The following ZNF804A variants were observed in gnomAD, a reference collection of about 807,000 sequenced individuals.
The protein encoded by ZNF804A is zinc finger protein 804A.
Under a neutral mutation model 16.5 loss-of-function variants are expected in ZNF804A, and 2 were observed. That is an observed-to-expected ratio of 0.12 (90% confidence interval 0.05 to 0.38). The LOEUF is 0.38. Among genes scored for constraint, ZNF804A ranks in the 10% least tolerant of loss-of-function variants. ZNF804A has a pLI of 0.99. For missense variants in ZNF804A, 1,473 were observed against 1,390.7 expected (o/e 1.06, Z -0.94); for synonymous variants, 534 against 489.6 (o/e 1.09, Z -1.20).
intron 1 of ZNF804A, among the ~76,000 whole-genome samples, chr2:184,819,445 T>G (rs1695036306): frequency 6.6e-6 from 1 of 151,988 alleles, no homozygotes; most frequent in South Asian, 2.1e-4. Context: ...TTTATAGCAC[T>G]GAATGCCCAC....
At chr2:184,708,690 A>C (rs1415365096) in intron 1 of ZNF804A, among the ~76,000 whole-genome samples, 1 of 152,168 alleles carries the variant, frequency 6.6e-6, no homozygotes, top group Non-Finnish European at 1.5e-5. Flanking sequence ...TAATAACTTA[A>C]TAAATATTTA....
intron 2 of ZNF804A, among the ~76,000 whole-genome samples, chr2:184,876,065 G>C (rs1684668042): frequency 6.6e-6 from 1 of 152,150 alleles, no homozygotes; most frequent in South Asian, 2.1e-4. Flanking sequence ...CTTCACTTCA[G>C]CAAGTCAAGA....
chr2:184,869,106 G>C (rs1695930962), intron 2 of ZNF804A, among the ~76,000 whole-genome samples: 1 of 151,740 alleles, frequency 6.6e-6, no homozygotes. Flanking sequence ...TGCTCAGCTG[G>C]GTACCTATAA....
chr2:184,858,691 T>C (rs553901379), intron 1 of ZNF804A, among the ~76,000 whole-genome samples: 30 of 152,290 alleles, frequency 2.0e-4, no homozygotes, highest in African/African-American at 7.2e-4. Flanking sequence ...ATACTAAATA[T>C]ATAAGTGGTC....
At chr2:184,711,319 T>C (rs186771599) in intron 1 of ZNF804A, among the ~76,000 whole-genome samples, 56 of 151,932 alleles carry the variant, frequency 3.7e-4, no homozygotes, top group African/African-American at 1.3e-3. Flanking sequence ...GAGAACTGTT[T>C]TCTCACATTC....
intron 1 of ZNF804A, among the ~76,000 whole-genome samples, chr2:184,725,404 ATAAAG>A (rs1246532184): frequency 6.6e-6 from 1 of 151,720 alleles, no homozygotes; most frequent in Admixed American, 6.6e-5. Flanking sequence ...ATTTTATTTT[ATAAAG>A]TAAATATAAA....
intron 1 of ZNF804A, among the ~76,000 whole-genome samples, chr2:184,770,926 T>C (rs1190484048): frequency 6.6e-6 from 1 of 152,014 alleles, no homozygotes; most frequent in Non-Finnish European, 1.5e-5. Flanking sequence ...TATGTGTGTG[T>C]TTGTGTATAT....
intron 2 of ZNF804A, among the ~76,000 whole-genome samples, chr2:184,932,045 C>T (rs1054615947): frequency 1.3e-5 from 2 of 152,138 alleles, no homozygotes; most frequent in African/African-American, 4.8e-5. Context: ...TCCTCATCTC[C>T]ATCTGAGACC....
intron 1 of ZNF804A, among the ~76,000 whole-genome samples, chr2:184,861,726 G>A (rs996778837): frequency 1.3e-5 from 2 of 152,172 alleles, no homozygotes; most frequent in African/African-American, 4.8e-5. Flanking sequence ...CGTCATGTTG[G>A]AAAATAATGT....
rs376273033 is a variant in ZNF804A at position 184,671,336 on chromosome 2, T to C, written c.111+72266T>C. Among the ~76,000 whole-genome samples the C allele has an allele frequency of 2.0e-5, 3 of 152,324 alleles. No homozygotes were observed. In the East Asian group the frequency reaches 5.8e-4, roughly 29 times the overall value. ...ATTTATCTTCTGACTACTGTCTGGGTTGAATCATAGAGAACTCTAGCCAGG... is the reference window on the plus strand; with the variant it reads ...ATTTATCTTCTGACTACTGTCTGGGCTGAATCATAGAGAACTCTAGCCAGG... On this transcript the variant is annotated intron_variant, in intron 1 of 3. Coordinates refer to ENST00000302277, the MANE Select transcript of ZNF804A (RefSeq NM_194250.2).
chr2:184,906,348 G>A (rs1558998866), intron 2 of ZNF804A, among the ~76,000 whole-genome samples: 1 of 152,078 alleles, frequency 6.6e-6, no homozygotes, highest in African/African-American at 2.4e-5. Flanking sequence ...ACCCTGGATG[G>A]AGTGCAGTGA....
At chr2:184,891,258 T>C (rs1235137893) in intron 2 of ZNF804A, among the ~76,000 whole-genome samples, 1 of 152,160 alleles carries the variant, frequency 6.6e-6, no homozygotes, top group Admixed American at 6.5e-5. Flanking sequence ...TTCTAAAATA[T>C]GGTTAAATAT....
chr2:184,812,463 A>G (rs368010310), intron 1 of ZNF804A, among the ~76,000 whole-genome samples: 142 of 152,200 alleles, frequency 9.3e-4, no homozygotes, highest in African/African-American at 3.3e-3. Context: ...AGAACTTTTT[A>G]TTTTTCCCCT....
At chr2:184,738,922 G>T (rs1693673631) in intron 1 of ZNF804A, among the ~76,000 whole-genome samples, 1 of 152,110 alleles carries the variant, frequency 6.6e-6, no homozygotes, top group African/African-American at 2.4e-5. Flanking sequence ...AAATTCAATT[G>T]ACACATGTTA....
intron 1 of ZNF804A, among the ~76,000 whole-genome samples, chr2:184,715,012 C>T (rs1693191210): frequency 6.6e-6 from 1 of 152,120 alleles, no homozygotes; most frequent in Admixed American, 6.6e-5. Context: ...CTGGCTTTAG[C>T]CTTCTTCCAT....
chr2:184,927,720 C>A (rs1204218151), intron 2 of ZNF804A, among the ~76,000 whole-genome samples: 1 of 152,156 alleles, frequency 6.6e-6, no homozygotes, highest in Non-Finnish European at 1.5e-5. Flanking sequence ...ATTTATGCCT[C>A]CCATTTCCTA....
intron 1 of ZNF804A, among the ~76,000 whole-genome samples, chr2:184,843,703 A>C (rs1199304883): frequency 2.0e-5 from 3 of 152,070 alleles, no homozygotes; most frequent in African/African-American, 7.2e-5. Context: ...TTTTTCTACC[A>C]TCTCTAGTAA....
chr2:184,880,877 C>A (rs1684799848), intron 2 of ZNF804A, among the ~76,000 whole-genome samples: 1 of 152,032 alleles, frequency 6.6e-6, no homozygotes, highest in Non-Finnish European at 1.5e-5. Flanking sequence ...GCCTTATCAT[C>A]TCTTAAAGGT....
intron 1 of ZNF804A, among the ~76,000 whole-genome samples, chr2:184,720,023 A>G (rs1448334038): frequency 3.3e-5 from 5 of 152,202 alleles, no homozygotes; most frequent in Admixed American, 2.6e-4. Flanking sequence ...GGTTTATTGG[A>G]CTTACAGTTC....
Sources: gnomAD v4.1 joint callset for allele counts (sites outside exome capture counted in the v4.1 genomes callset) on GRCh38, gnomAD v4.1.1 for gene constraint, MANE v1.5 for transcripts, NCBI Gene and HGNC (gene_info 2026-07-23, HGNC 2026-07-21) for gene names.